Variants in FARP1 observed in about 807,000 individuals in gnomAD.
FARP1 encodes FERM, ARHGEF and pleckstrin domain-containing protein 1.
Under a neutral mutation model 128.8 loss-of-function variants are expected in FARP1, and 52 were observed. The observed-to-expected ratio is 0.40, with a 90% confidence interval of 0.32 to 0.51. FARP1 has a LOEUF of 0.51. FARP1 is among the 20% of genes least tolerant of loss of function. The pLI, the probability that FARP1 is intolerant of heterozygous loss-of-function variation, is 0.45. For synonymous variants in FARP1, 580 were observed against 551.8 expected (o/e 1.05, Z -0.72); for missense variants, 1,333 against 1,367.9 (o/e 0.97, Z 0.40).
Position 98,201,084 on chromosome 13 carries a change from A to C in FARP1, c.-23-12136A>C, listed in dbSNP as rs116172734. Among the ~76,000 whole-genome samples the C allele has an allele frequency of 2.0e-3, 307 of 152,292 alleles. 1 individual carries two copies. Among genetic ancestry groups the C allele is most frequent in the African/African-American group, 6.9e-3 (287 of 41,548 alleles). ...TTGAAATAGATAACACATTATTGTT[A>C]ACTATAATTTCCCTGCTGTATTTTT... On this transcript the variant is annotated intron_variant, in intron 1 of 26. Transcript: ENST00000319562.
chr13:98,395,660 C>T, intron 13 of FARP1, 184 bp downstream of exon 13: 1 of 705,790 alleles, frequency 1.4e-6, no homozygotes, highest in South Asian at 2.8e-5. Context: ...TATCTGCTGT[C>T]CAGGGAGGAG....
At chr13:98,374,071 A>C (rs1242959495) in intron 5 of FARP1, among the ~76,000 whole-genome samples, 1 of 152,170 alleles carries the variant, frequency 6.6e-6, no homozygotes, top group Non-Finnish European at 1.5e-5. Context: ...CATCTAATAC[A>C]TTGGCCATAT....
intron 1 of FARP1, among the ~76,000 whole-genome samples, 170 bp downstream of exon 1, chr13:98,143,662 G>T (rs1875255320): frequency 6.6e-6 from 1 of 151,324 alleles, no homozygotes; most frequent in South Asian, 2.1e-4. Flanking sequence ...TCGGGCGGCG[G>T]GTCGGGCCCG....
chr13:98,144,400 G>A (rs969734210), intron 1 of FARP1, among the ~76,000 whole-genome samples: 8 of 152,168 alleles, frequency 5.3e-5, no homozygotes, highest in African/African-American at 1.7e-4. Context: ...ACGTGGGAGA[G>A]CCTGCTTGTC....
At chr13:98,317,296 G>C (rs572753289) in intron 2 of FARP1, among the ~76,000 whole-genome samples, 45 of 152,190 alleles carry the variant, frequency 3.0e-4, no homozygotes, top group Non-Finnish European at 4.6e-4. Flanking sequence ...GTCTTGCGCT[G>C]TCACCCAGGC....
At position 98,381,437 on chromosome 13, in the gene FARP1, A is replaced by T. The variant is rs568559069; in HGVS notation, c.497-3293A>T. 4 of 152,290 alleles carry T rather than the reference A, an allele frequency of 2.6e-5. No individual in the cohort carries two copies. The South Asian group carries it at 8.3e-4, about 32-fold the overall frequency. 9.4% of individuals were successfully genotyped at this position (152,290 alleles called of 1,614,324 possible). On this transcript the variant is annotated intron_variant, in intron 6 of 26. Transcript: ENST00000319562. Reference sequence around the variant, plus strand: ...TATTTTCCTCCCTTCTTTGGCTTGAATGCATAGAGTCTTTAAGATAGTCTG... The same window carrying T: ...TATTTTCCTCCCTTCTTTGGCTTGATTGCATAGAGTCTTTAAGATAGTCTG...
Position 98,431,283 on chromosome 13 carries a change from G to T in FARP1, c.2143+3G>T. On this transcript the variant is annotated splice_donor_region_variant and intron_variant, in intron 18 of 26. Transcript: ENST00000319562. ...CGCCGACTTCAGGGACTGCCGAGGT[G>T]AGTGCTGGGAGCCTGCGCCACCTGG... 6.4e-7 allele frequency: 1 copy of T among 1,573,990 alleles called. No homozygotes were observed. Among genetic ancestry groups the T allele is most frequent in the East Asian group, 2.3e-5 (1 of 43,098 alleles).
At chr13:98,370,756 G>A (rs1389747408) in intron 5 of FARP1, among the ~76,000 whole-genome samples, 3 of 152,168 alleles carry the variant, frequency 2.0e-5, no homozygotes, top group Non-Finnish European at 4.4e-5. Flanking sequence ...CAGCTCCAGG[G>A]AGACAGTGAC....
In FARP1 at chr13:98,309,180, TTTTG is replaced by T. The variant is rs1259488810; in HGVS notation, c.172-34581_172-34578del. On this transcript the variant is annotated intron_variant, in intron 2 of 26. Coordinates refer to ENST00000319562, the MANE Select transcript of FARP1 (RefSeq NM_005766.4). ...TTTTTTTTTTTTTTTTTTTTTTTTT[TTTTG>T]GAGACGGAGTCTCGCTCTGTGGCCC... Among the ~76,000 whole-genome samples, 282 of 83,416 alleles carry T rather than the reference TTTTG, an allele frequency of 3.4e-3. 5 individuals carry two copies. The highest frequency in any genetic ancestry group is 4.4e-3 in the South Asian group (9 of 2,036). The allele number at this position is 83,416 out of a possible 152,430, so 54.7% of individuals were successfully genotyped here. A position where few individuals can be genotyped will look rare whatever the true frequency, so the allele number is the denominator to read the frequency against.
At chr13:98,250,088 T>C (rs1218223466) in intron 2 of FARP1, among the ~76,000 whole-genome samples, 6 of 152,334 alleles carry the variant, frequency 3.9e-5, no homozygotes, top group African/African-American at 1.4e-4. Context: ...AATTTACTCG[T>C]GAGATTCACC....
At chr13:98,351,373 G>A (rs376285827) in intron 3 of FARP1, among the ~76,000 whole-genome samples, 1 of 152,290 alleles carries the variant, frequency 6.6e-6, no homozygotes, top group African/African-American at 2.4e-5. Context: ...AGCACTTTGC[G>A]AGGCCGAGGC....
chr13:98,278,984 C>T (rs367720084), intron 2 of FARP1, among the ~76,000 whole-genome samples: 1 of 144,260 alleles, frequency 6.9e-6, no homozygotes, highest in Non-Finnish European at 1.5e-5. Flanking sequence ...TGCCACCACG[C>T]CCTGCTAATT....
rs1891107293 is a variant in FARP1, at chr13:98,409,462, C to T, written c.1539C>T (p.Ile513=). The T allele has an allele frequency of 6.2e-7, 1 of 1,613,912 alleles. No homozygotes were observed. The highest frequency in any genetic ancestry group is 1.7e-5 in the Admixed American group (1 of 59,994). The change falls in exon 14 of 27, where the codon ATC becomes ATT. Residue 513 remains isoleucine (I), a synonymous_variant. Coordinates refer to ENST00000319562, the MANE Select transcript of FARP1 (RefSeq NM_005766.4). ...ACACCAAGCAGGCCTCTCCCTTGAT[C>T]AGCCCGCTGCTGAATGACCAGGCCT... is the stretch of plus-strand genomic sequence containing the variant. ...SPDTKQASPL[I]SPLLNDQACP... is the part of the protein sequence containing the mutation.
At chr13:98,356,391 C>T (rs1888642623) in intron 3 of FARP1, among the ~76,000 whole-genome samples, 1 of 151,988 alleles carries the variant, frequency 6.6e-6, no homozygotes, top group Non-Finnish European at 1.5e-5. Flanking sequence ...TGTTTCTAAA[C>T]TAAAAAAGGT....
At chr13:98,410,173 T>G (rs1891136838) in intron 14 of FARP1, among the ~76,000 whole-genome samples, 1 of 152,240 alleles carries the variant, frequency 6.6e-6, no homozygotes, top group African/African-American at 2.4e-5. Context: ...TCCTTGCACT[T>G]ATTGTTTAAA....
chr13:98,444,158 G>GTCACCAGCTGTCCT (rs1347151776), intron 24 of FARP1, among the ~76,000 whole-genome samples: 3 of 152,102 alleles, frequency 2.0e-5, no homozygotes, highest in African/African-American at 7.2e-5. Context: ...GGTCTGCCGT[G>GTCACCAGCTGTCCT]TCACCAGCTG....
intron 11 of FARP1, among the ~76,000 whole-genome samples, chr13:98,391,672 T>C (rs576109904): frequency 5.9e-5 from 9 of 152,340 alleles, no homozygotes; most frequent in African/African-American, 1.9e-4. Flanking sequence ...AGTGAACTCA[T>C]TGAGTCTTCA....
At chr13:98,243,736 GC>G (rs1246297242) in intron 2 of FARP1, among the ~76,000 whole-genome samples, 5 of 148,928 alleles carry the variant, frequency 3.4e-5, no homozygotes, top group Admixed American at 1.3e-4. Flanking sequence ...AACTTGCATT[GC>G]CCTTTCAGGT....
chr13:98,316,607 G>T (rs74110925), intron 2 of FARP1, among the ~76,000 whole-genome samples: 90 of 152,292 alleles, frequency 5.9e-4, no homozygotes, highest in Middle Eastern at 3.4e-3. Flanking sequence ...CGCCTTGGGG[G>T]TCTCCCAAGT....
Sources: gnomAD v4.1 joint callset for allele counts (sites outside exome capture counted in the v4.1 genomes callset) on GRCh38, gnomAD v4.1.1 for gene constraint, MANE v1.5 for transcripts, NCBI Gene and HGNC (gene_info 2026-07-23, HGNC 2026-07-21) for gene names.